The following TLE4 variants were observed in gnomAD, a reference collection of about 807,000 sequenced individuals.
TLE4 encodes the protein transducin-like enhancer protein 4.
Under a neutral mutation model 92.8 loss-of-function variants are expected in TLE4, and 8 were observed. The observed-to-expected ratio is 0.09, with a 90% CI of 0.05 to 0.16. TLE4 has a LOEUF of 0.16. Ranked by LOEUF, TLE4 falls within the 10% of genes least tolerant of loss-of-function variation. TLE4 has a pLI of 1.00. For synonymous variants in TLE4, 371 were observed against 374.1 expected (o/e 0.99, Z 0.10); for missense variants, 675 against 997.6 (o/e 0.68, Z 4.36).
intron 8 of TLE4, among the ~76,000 whole-genome samples, chr9:79,693,191 A>G (rs77385978): frequency 1.0e-3 from 152 of 152,218 alleles, no homozygotes; most frequent in Middle Eastern, 3.4e-3. Context: ...TGGTATTACA[A>G]CGTGAATCTC....
intron 4 of TLE4, among the ~76,000 whole-genome samples, chr9:79,604,075 T>A (rs986038879): frequency 1.3e-5 from 2 of 152,132 alleles, no homozygotes; most frequent in South Asian, 4.1e-4. Context: ...TGATTACAGA[T>A]GCTGTCACGA....
At chr9:79,578,233 C>T (rs985804842) in intron 4 of TLE4, among the ~76,000 whole-genome samples, 1 of 152,128 alleles carries the variant, frequency 6.6e-6, no homozygotes, top group Admixed American at 6.5e-5. Context: ...GGGAAGTTGC[C>T]CTGCGGCATA....
At chr9:79,689,724 G>A (rs2066657445) in intron 8 of TLE4, among the ~76,000 whole-genome samples, 1 of 152,152 alleles carries the variant, frequency 6.6e-6, no homozygotes, top group Non-Finnish European at 1.5e-5. Context: ...AGCTAATTGT[G>A]CTCTCAGAAA....
chr9:79,698,788 TG>T (rs1372656350), intron 8 of TLE4, among the ~76,000 whole-genome samples: 2 of 151,692 alleles, frequency 1.3e-5, no homozygotes, highest in Non-Finnish European at 2.9e-5. Flanking sequence ...ATGTGAGACT[TG>T]TGCATTTTGA....
At chr9:79,573,124 G>A (rs949891676) in intron 1 of TLE4, 3 of 645,172 alleles carry the variant, frequency 4.6e-6, no homozygotes, top group Admixed American at 4.9e-5. Context: ...ACTCCTCGAG[G>A]GGGGGTGGCG....
chr9:79,584,785 C>G (rs2040641082), intron 4 of TLE4, among the ~76,000 whole-genome samples: 1 of 152,184 alleles, frequency 6.6e-6, no homozygotes, highest in East Asian at 1.9e-4. Flanking sequence ...AAAGAGGAAG[C>G]AAAAGCAACC....
chr9:79,716,632 G>A (rs549022969), intron 14 of TLE4, among the ~76,000 whole-genome samples: 1 of 152,240 alleles, frequency 6.6e-6, no homozygotes, highest in African/African-American at 2.4e-5. Context: ...TTCTTGCTCT[G>A]GCCTTCGAAT....
chr9:79,683,374 G>A (rs1475670801), intron 8 of TLE4, among the ~76,000 whole-genome samples: 1 of 152,134 alleles, frequency 6.6e-6, no homozygotes, highest in Non-Finnish European at 1.5e-5. Context: ...CTCTTAGGTA[G>A]AATTAAATTG....
chr9:79,721,891 A>G lies in TLE4; in HGVS notation c.1986+3A>G. 1.2e-6 allele frequency: 2 copies of G among 1,610,668 alleles called. No individual in the cohort carries two copies. Among genetic ancestry groups the G allele is most frequent in the South Asian group, 1.1e-5 (1 of 90,430 alleles). ...AGCAGCACGACTTCACCTCCCAGGTATGATCCGTGGCTGAGGCATTTTAAA... is the reference window on the plus strand; with the variant it reads ...AGCAGCACGACTTCACCTCCCAGGTGTGATCCGTGGCTGAGGCATTTTAAA... On this transcript the variant is annotated splice_donor_region_variant and intron_variant, in intron 17 of 19. Coordinates refer to ENST00000376552, the MANE Select transcript of TLE4 (RefSeq NM_007005.6).
intron 8 of TLE4, among the ~76,000 whole-genome samples, chr9:79,664,306 A>G (rs1564746269): frequency 1.3e-5 from 2 of 152,218 alleles, no homozygotes. Flanking sequence ...AAATCTGGGC[A>G]TTATTGGGTT....
chr9:79,696,367 G>A (rs891095332), intron 8 of TLE4, among the ~76,000 whole-genome samples: 1 of 152,070 alleles, frequency 6.6e-6, no homozygotes, highest in African/African-American at 2.4e-5. Flanking sequence ...TTTAATGAAG[G>A]CCCTTAAGAC....
intron 14 of TLE4, among the ~76,000 whole-genome samples, chr9:79,710,838 C>G (rs921563218): frequency 2.0e-5 from 3 of 152,142 alleles, no homozygotes; most frequent in African/African-American, 7.2e-5. Context: ...GAAAACAGAA[C>G]AGAACTTTCT....
At chr9:79,636,221 C>T (rs932872783) in intron 6 of TLE4, among the ~76,000 whole-genome samples, 7 of 152,006 alleles carry the variant, frequency 4.6e-5, no homozygotes, top group Non-Finnish European at 1.0e-4. Context: ...AGACGCTACT[C>T]GGGAGGCTAC....
rs761593875 is a variant in TLE4, at chr9:79,722,582, G to A, written c.2118G>A (p.Ser706=). The part of the protein sequence containing the change: ...QLHLHESCVL[S]LKFAHCGKWF... ...ATCTTCATGAGAGCTGTGTGCTGTC[G>A]CTCAAGTTTGCCCATTGTGGTAAGC... The change falls in exon 18 of 20, where the codon TCG becomes TCA. Residue 706 remains serine, a synonymous_variant. Coordinates refer to ENST00000376552, the MANE Select transcript of TLE4 (RefSeq NM_007005.6). 87 of 1,613,848 alleles carry A rather than the reference G, an allele frequency of 5.4e-5. No individual in the cohort carries two copies. The highest frequency in any genetic ancestry group is 6.7e-5 in the East Asian group (3 of 44,892).
At chr9:79,628,463 G>A (rs951585266) in intron 6 of TLE4, among the ~76,000 whole-genome samples, 1 of 151,944 alleles carries the variant, frequency 6.6e-6, no homozygotes, top group African/African-American at 2.4e-5. Context: ...TTATTCCTCT[G>A]TCTTTTAACA....
chr9:79,715,180 G>A (rs12345782), intron 14 of TLE4, among the ~76,000 whole-genome samples: 19,367 of 152,164 alleles, frequency 0.13, 1,324 homozygotes, highest in Middle Eastern at 0.17. Context: ...TTAACTATTT[G>A]AAATCTCAGT....
chr9:79,685,080 C>T (rs1436800603), intron 8 of TLE4, among the ~76,000 whole-genome samples: 2 of 152,122 alleles, frequency 1.3e-5, no homozygotes, highest in Admixed American at 1.3e-4. Flanking sequence ...CCGTGGCAGC[C>T]TTACCATCTG....
chr9:79,726,382 C>G lies in TLE4; in HGVS notation c.*1238C>G, dbSNP rs948983816. The G allele has an allele frequency of 6.6e-6, 1 of 152,552 alleles. No homozygotes were observed. Among genetic ancestry groups the G allele is most frequent in the African/African-American group, 2.4e-5 (1 of 41,422 alleles). The allele number at this position is 152,552 out of a possible 1,614,324, so 9.4% of individuals were successfully genotyped here. A position where few individuals can be genotyped will look rare whatever the true frequency, so the allele number is the denominator to read the frequency against. ...TTAAAAATCTTTTAAGTCTGTGGAT[C>G]TGCTGATGTACAGTGCCTTTGCTGC... On this transcript the variant is annotated 3_prime_UTR_variant, in exon 20 of 20. Transcript: ENST00000376552.
At chr9:79,633,817 T>C (rs2054978526) in intron 6 of TLE4, among the ~76,000 whole-genome samples, 1 of 152,168 alleles carries the variant, frequency 6.6e-6, no homozygotes, top group African/African-American at 2.4e-5. Context: ...CAGACTGCTT[T>C]GTACCCCTCG....
Sources: allele counts gnomAD v4.1 joint callset (sites outside exome capture counted in the v4.1 genomes callset), GRCh38; gene constraint gnomAD v4.1.1; transcripts MANE v1.5; gene names NCBI Gene and HGNC (gene_info 2026-07-23, HGNC 2026-07-21).